Variants in BCAP29 observed in about 807,000 individuals in gnomAD.
BCAP29 encodes B cell receptor associated protein 29.
In BCAP29, 34 loss-of-function variants were observed where a neutral mutation model predicts 31.8. That is an observed-to-expected ratio of 1.07 (90% CI 0.81 to 1.42). The LOEUF is 1.42. Ranked by LOEUF, BCAP29 falls within the 40% of genes most tolerant of loss-of-function variation. The probability of loss-of-function intolerance (pLI) is 0.00; values close to 1 mark genes in which losing one functional copy is unlikely to be tolerated. For missense variants in BCAP29, 314 were observed against 269.2 expected (o/e 1.17, Z -1.16); for synonymous variants, 104 against 91.3 (o/e 1.14, Z -0.79).
At position 107,584,302 on chromosome 7, in the gene BCAP29, T is replaced by C. The variant is rs558902543; in HGVS notation, c.193+320T>C. On this transcript the variant is annotated intron_variant, in intron 3 of 7. Transcript: ENST00000005259. ...CATGGTGTTGTCTCTCCTTTGTTAC[T>C]GTGATGTCCTAGGCACCCAGGAGCT... 1.3e-4 allele frequency among the ~76,000 whole-genome samples: 20 copies of C among 152,352 alleles called. 1 individual carries two copies. In the South Asian group the frequency reaches 3.9e-3, roughly 30 times the overall value.
chr7:107,598,906 C>T (rs1280960433), intron 5 of BCAP29, among the ~76,000 whole-genome samples: 1 of 14,318 alleles, frequency 7.0e-5, no homozygotes, highest in African/African-American at 2.5e-4. Flanking sequence ...CACACACACA[C>T]ACACACACAC....
At chr7:107,595,316 C>T (rs1444980372) in intron 4 of BCAP29, among the ~76,000 whole-genome samples, 3 of 152,208 alleles carry the variant, frequency 2.0e-5, no homozygotes, top group Non-Finnish European at 4.4e-5. Context: ...CCCCTGAGGG[C>T]ATGGACTTTG....
chr7:107,580,712 G>T, intron 1 of BCAP29, 47 bp from the exon 2 acceptor site: 1 of 1,403,784 alleles, frequency 7.1e-7, no homozygotes, highest in Non-Finnish European at 9.9e-7. Context: ...CTTGAACCCG[G>T]TTTTGTTTGA....
chr7:107,580,520 T>C, intron 1 of BCAP29: 1 of 431,602 alleles, frequency 2.3e-6, no homozygotes, highest in Non-Finnish European at 4.1e-6. Context: ...GCCGCGAAGC[T>C]GGCGGAAAAG....
At chr7:107,610,033 C>T (rs78116492) in intron 6 of BCAP29, among the ~76,000 whole-genome samples, 2,060 of 152,258 alleles carry the variant, frequency 0.014, 35 homozygotes, top group Non-Finnish European at 0.021. Context: ...TACATTTACA[C>T]GGTACATTAG....
At chr7:107,622,315 C>T (rs752744935), downstream of BCAP29, 1 of 161,140 alleles carries the variant, frequency 6.2e-6, no homozygotes, top group African/African-American at 2.4e-5. Flanking sequence ...TTCTTTCCAA[C>T]TGCAGTTAAG....
chr7:107,615,695 C>A, intron 7 of BCAP29: 1 of 201,982 alleles, frequency 5.0e-6, no homozygotes, highest in South Asian at 9.6e-5. Context: ...ATGCCAGACA[C>A]CATGCCGAGA....
At chr7:107,594,138 A>T (rs1395412105) in intron 4 of BCAP29, 33 bp downstream of exon 4, 2 of 1,555,178 alleles carry the variant, frequency 1.3e-6, no homozygotes, top group Non-Finnish European at 1.8e-6. Context: ...AGCACAATTT[A>T]AAAACATGAC....
At chr7:107,605,042 A>G (rs904730316) in intron 6 of BCAP29, among the ~76,000 whole-genome samples, 5 of 152,188 alleles carry the variant, frequency 3.3e-5, no homozygotes, top group Non-Finnish European at 5.9e-5. Flanking sequence ...TTGCTATCAG[A>G]GTACTTTTCT....
At chr7:107,610,162 T>C (rs1812871107) in intron 6 of BCAP29, among the ~76,000 whole-genome samples, 1 of 152,244 alleles carries the variant, frequency 6.6e-6, no homozygotes, top group Admixed American at 6.5e-5. Context: ...AGTCATTTTC[T>C]ATATTAATAA....
chr7:107,583,845 G>GT (rs767860987), intron 2 of BCAP29, 37 bp from the exon 3 acceptor site: 17 of 1,095,996 alleles, frequency 1.6e-5, no homozygotes, highest in Admixed American at 2.6e-5. Context: ...CTTTATTTTA[G>GT]TTTTTTTATA....
chr7:107,599,381 A>G (rs1254652469), intron 5 of BCAP29, among the ~76,000 whole-genome samples: 1 of 125,230 alleles, frequency 8.0e-6, no homozygotes, highest in Admixed American at 8.3e-5. Flanking sequence ...TTAGCCTGCC[A>G]TGGTGGCACA....
chr7:107,580,623 G>A (rs752638322), intron 1 of BCAP29, 136 bp from the exon 2 acceptor site: 2 of 605,932 alleles, frequency 3.3e-6, no homozygotes, highest in African/African-American at 2.0e-5. Context: ...CTTCCTGACC[G>A]GGGTCCGTGC....
intron 6 of BCAP29, among the ~76,000 whole-genome samples, chr7:107,607,457 G>A (rs7779261): frequency 0.025 from 3,835 of 152,084 alleles, 172 homozygotes; most frequent in African/African-American, 0.087. Flanking sequence ...ATCTCACCCA[G>A]TTTCCCTCCT....
At chr7:107,602,244 A>G (rs1811304671) in intron 6 of BCAP29, among the ~76,000 whole-genome samples, 1 of 152,200 alleles carries the variant, frequency 6.6e-6, no homozygotes, top group Non-Finnish European at 1.5e-5. Flanking sequence ...TTTTATGAAC[A>G]TGTTTTATTT....
intron 6 of BCAP29, among the ~76,000 whole-genome samples, chr7:107,609,586 A>T (rs1812770440): frequency 6.6e-6 from 1 of 152,206 alleles, no homozygotes; most frequent in African/African-American, 2.4e-5. Context: ...AATAAAACGT[A>T]AATCTTTACC....
Position 107,600,447 on chromosome 7 carries a change from TAAA to T in BCAP29, c.535_537del (p.Lys179del), listed in dbSNP as rs1415781649. ...AAGAATGTGTTTTGGAAGCAGAAAA[TAAA>T]AAACTAGTAGAAGACCAGGAGAAAC... On this transcript the variant is annotated inframe_deletion, in exon 6 of 8. Transcript: ENST00000005259. The T allele has an allele frequency of 1.9e-6, 3 of 1,611,390 alleles. No homozygotes were observed. Among genetic ancestry groups the T allele is most frequent in the Admixed American group, 1.7e-5 (1 of 59,896 alleles).
chr7:107,600,283 A>G (rs756861748), intron 5 of BCAP29, 114 bp from the exon 6 acceptor site: 3 of 712,748 alleles, frequency 4.2e-6, no homozygotes, highest in Non-Finnish European at 7.5e-6. Context: ...TGAAAAGGAC[A>G]AAGAATAAAT....
At chr7:107,604,111 T>G (rs899058638) in intron 6 of BCAP29, among the ~76,000 whole-genome samples, 2 of 152,134 alleles carry the variant, frequency 1.3e-5, no homozygotes, top group Non-Finnish European at 2.9e-5. Context: ...GCAATAGAGA[T>G]ACTAGATTTG....
Sources: allele counts gnomAD v4.1 joint callset (sites outside exome capture counted in the v4.1 genomes callset), GRCh38; gene constraint gnomAD v4.1.1; transcripts MANE v1.5; gene names NCBI Gene and HGNC (gene_info 2026-07-23, HGNC 2026-07-21).